Variants in PTPRM observed in about 807,000 individuals in gnomAD.
PTPRM encodes receptor-type tyrosine-protein phosphatase mu.
A neutral mutation model predicts 186.7 loss-of-function variants in PTPRM; 47 were observed. The observed-to-expected ratio is 0.25, with a 90% CI of 0.20 to 0.32. PTPRM has a LOEUF of 0.32. Among genes scored for constraint, PTPRM ranks in the 10% least tolerant of loss-of-function variants. PTPRM has a pLI of 1.00. For missense variants in PTPRM, 1,494 were observed against 1,865.0 expected, an observed-to-expected ratio of 0.80 and a Z score of 3.66; for synonymous variants, 668 against 674.9, an observed-to-expected ratio of 0.99 and a Z score of 0.16.
intron 3 of PTPRM, among the ~76,000 whole-genome samples, chr18:7,905,928 T>A (rs2049957941): frequency 6.6e-6 from 1 of 152,204 alleles, no homozygotes; most frequent in African/African-American, 2.4e-5. Context: ...ATCTTAACGT[T>A]GTCTCTTGAG....
At chr18:7,759,624 C>T (rs1017595780) in intron 1 of PTPRM, among the ~76,000 whole-genome samples, 1 of 152,144 alleles carries the variant, frequency 6.6e-6, no homozygotes. Flanking sequence ...ATGTAATCTG[C>T]ATCAAAATAA....
chr18:8,379,772 G>A (rs541457902), intron 28 of PTPRM, among the ~76,000 whole-genome samples: 5 of 152,304 alleles, frequency 3.3e-5, no homozygotes, highest in Non-Finnish European at 5.9e-5. Context: ...GATGCAAAGA[G>A]TGAATGGGTA....
intron 20 of PTPRM, among the ~76,000 whole-genome samples, chr18:8,312,176 G>A (rs1372101258): frequency 1.3e-5 from 2 of 152,168 alleles, no homozygotes; most frequent in African/African-American, 4.8e-5. Flanking sequence ...CATTCTTGAA[G>A]TTCAAATGGC....
At chr18:8,053,042 G>A (rs566696038) in intron 7 of PTPRM, among the ~76,000 whole-genome samples, 9 of 152,044 alleles carry the variant, frequency 5.9e-5, no homozygotes, top group Non-Finnish European at 1.3e-4. Flanking sequence ...TGTGATTGGT[G>A]GAAGTTCTGT....
intron 23 of PTPRM, among the ~76,000 whole-genome samples, chr18:8,355,268 G>C (rs1218431676): frequency 6.6e-6 from 1 of 152,186 alleles, no homozygotes; most frequent in Non-Finnish European, 1.5e-5. Flanking sequence ...GGAGTTGAGT[G>C]GAGGTTGAAG....
Position 7,574,979 on chromosome 18 carries a change from C to T in PTPRM, c.73+7088C>T, listed in dbSNP as rs886131992. ...CCCGGGAGGCGGAGCTTGCAGTGAG[C>T]CGAGATCGCGCCACTGCACTCCAGT... On this transcript the variant is annotated intron_variant, in intron 1 of 32. Coordinates refer to ENST00000580170, the MANE Select transcript of PTPRM (RefSeq NM_001105244.2). 6.1e-4 allele frequency among the ~76,000 whole-genome samples: 93 copies of T among 152,280 alleles called. 1 individual carries two copies. The highest frequency in any genetic ancestry group is 4.8e-3 in the Admixed American group (73 of 15,304).
intron 1 of PTPRM, among the ~76,000 whole-genome samples, chr18:7,745,710 A>G (rs2040971994): frequency 6.6e-6 from 1 of 152,220 alleles, no homozygotes; most frequent in Non-Finnish European, 1.5e-5. Context: ...CCAGAAACCA[A>G]GAGAAAATAC....
intron 14 of PTPRM, among the ~76,000 whole-genome samples, chr18:8,153,355 G>A (rs1328389722): frequency 6.6e-6 from 1 of 152,090 alleles, no homozygotes; most frequent in South Asian, 2.1e-4. Context: ...GGTCTCTCTG[G>A]TAGTCGTTGA....
chr18:8,384,774 C>G (rs2095760973), intron 30 of PTPRM, 88 bp downstream of exon 30: 10 of 1,532,322 alleles, frequency 6.5e-6, no homozygotes, highest in Middle Eastern at 1.7e-4. Context: ...CTATGTCAGT[C>G]ACTGTTCCAG....
At chr18:8,277,900 G>A (rs564348049) in intron 19 of PTPRM, among the ~76,000 whole-genome samples, 11 of 152,352 alleles carry the variant, frequency 7.2e-5, no homozygotes, top group Admixed American at 3.3e-4. Flanking sequence ...AAGCCAATAT[G>A]TTGTGCGTAT....
intron 19 of PTPRM, among the ~76,000 whole-genome samples, chr18:8,291,894 G>A (rs371382365): frequency 1.3e-4 from 19 of 151,628 alleles, no homozygotes; most frequent in South Asian, 2.1e-4. Flanking sequence ...TCACAGGGTC[G>A]TTAAGAGAAT....
At chr18:8,354,931 A>G (rs1598414063) in intron 23 of PTPRM, among the ~76,000 whole-genome samples, 1 of 152,310 alleles carries the variant, frequency 6.6e-6, no homozygotes. Flanking sequence ...AATGGTTGGG[A>G]GTGTGTTTTT....
intron 1 of PTPRM, among the ~76,000 whole-genome samples, chr18:7,589,724 C>G (rs1315403288): frequency 6.6e-6 from 1 of 152,176 alleles, no homozygotes; most frequent in Non-Finnish European, 1.5e-5. Context: ...GATATTAAGA[C>G]TTTATTAGTC....
intron 1 of PTPRM, among the ~76,000 whole-genome samples, chr18:7,624,693 T>C (rs1158353723): frequency 6.6e-6 from 1 of 152,194 alleles, no homozygotes; most frequent in Non-Finnish European, 1.5e-5. Context: ...CTCAGGCTGA[T>C]CTTGAATTCC....
At chr18:7,583,527 T>G (rs1446322384) in intron 1 of PTPRM, among the ~76,000 whole-genome samples, 1 of 152,250 alleles carries the variant, frequency 6.6e-6, no homozygotes, top group Admixed American at 6.5e-5. Flanking sequence ...GTTTCTCATT[T>G]TGATGTTAAA....
At position 7,711,342 on chromosome 18, in the gene PTPRM, C is replaced by T. The variant is rs532423969; in HGVS notation, c.74-62807C>T. On this transcript the variant is annotated intron_variant, in intron 1 of 32. Transcript: ENST00000580170. Reference sequence around the variant, plus strand: ...CTCATCGTCTTCACAACCCACAGACCAGGATATTCCCTTGGGTGCCTACAC... The same window carrying T: ...CTCATCGTCTTCACAACCCACAGACTAGGATATTCCCTTGGGTGCCTACAC... Among the ~76,000 whole-genome samples, 125 of 152,302 alleles carry T rather than the reference C, an allele frequency of 8.2e-4. No individual in the cohort carries two copies. In the South Asian group the frequency reaches 0.025, roughly 31 times the overall value.
chr18:7,740,186 AC>A (rs1337783080), intron 1 of PTPRM, among the ~76,000 whole-genome samples: 76 of 152,230 alleles, frequency 5.0e-4, no homozygotes, highest in Non-Finnish European at 6.3e-4. Context: ...ACCCCACCCT[AC>A]CCCTCAGCTC....
chr18:8,245,127 C>A (rs897531173), intron 15 of PTPRM, among the ~76,000 whole-genome samples: 3 of 152,186 alleles, frequency 2.0e-5, no homozygotes, highest in Non-Finnish European at 4.4e-5. Flanking sequence ...GGTGTGGGCT[C>A]ATGTCCTAAT....
chr18:7,596,212 C>T (rs931645278), intron 1 of PTPRM, among the ~76,000 whole-genome samples: 7 of 152,078 alleles, frequency 4.6e-5, no homozygotes, highest in East Asian at 1.9e-4. Flanking sequence ...GACCAGAGAA[C>T]GGAGTCAGCT....
Sources: gnomAD v4.1 joint callset for allele counts (sites outside exome capture counted in the v4.1 genomes callset) on GRCh38, gnomAD v4.1.1 for gene constraint, MANE v1.5 for transcripts, NCBI Gene and HGNC (gene_info 2026-07-23, HGNC 2026-07-21) for gene names.